The following TENM4 variants were observed in gnomAD, a reference collection of about 807,000 sequenced individuals.
TENM4 encodes the protein teneurin-4.
A neutral mutation model predicts 243.3 loss-of-function variants in TENM4; 82 were observed. That is an observed-to-expected ratio of 0.34 (90% CI 0.28 to 0.40). TENM4 has a LOEUF of 0.40. Ranked by LOEUF, TENM4 falls within the 10% of genes least tolerant of loss-of-function variation. The pLI, the probability that TENM4 is intolerant of heterozygous loss-of-function variation, is 1.00. For synonymous variants in TENM4, 1,412 were observed against 1,456.3 expected (o/e 0.97, Z 0.69); for missense variants, 3,138 against 3,673.3 (o/e 0.85, Z 3.77).
At chr11:78,913,631 G>A (rs866188614) in intron 6 of TENM4, among the ~76,000 whole-genome samples, 4 of 143,762 alleles carry the variant, frequency 2.8e-5, no homozygotes, top group Middle Eastern at 3.4e-3. Flanking sequence ...GTGTGTGTGA[G>A]TGTCGGGGGT....
At chr11:79,145,964 T>A (rs1278698211) in intron 4 of TENM4, among the ~76,000 whole-genome samples, 1 of 152,130 alleles carries the variant, frequency 6.6e-6, no homozygotes, top group Non-Finnish European at 1.5e-5. Context: ...TTAGGCTGTC[T>A]GTCTTTTCTT....
chr11:79,249,416 T>G (rs1855572414), intron 2 of TENM4, among the ~76,000 whole-genome samples: 1 of 152,194 alleles, frequency 6.6e-6, no homozygotes, highest in Admixed American at 6.5e-5. Context: ...TATGACAGCA[T>G]AACCCCTCAC....
At chr11:79,321,660 A>AAAAG (rs1555048286) in intron 1 of TENM4, among the ~76,000 whole-genome samples, 9 of 151,216 alleles carry the variant, frequency 6.0e-5, no homozygotes, top group African/African-American at 2.2e-4. Context: ...AAAAAAAAAA[A>AAAAG]AAAAGGGAGA....
intron 1 of TENM4, among the ~76,000 whole-genome samples, chr11:79,369,898 G>T (rs1430692234): frequency 2.0e-5 from 3 of 152,126 alleles, no homozygotes; most frequent in African/African-American, 7.2e-5. Context: ...TTAGAGCTAG[G>T]TTCAAACCCA....
chr11:79,111,866 C>T lies in TENM4; in HGVS notation c.-66+36844G>A, dbSNP rs117033141. ...GTCAAGAAGAGTCTCAGAGAGGAGA[C>T]GTGGGTGAATCCTGGCTTGAAAGAA... On this transcript the variant is annotated intron_variant, in intron 4 of 33. Transcript: ENST00000278550. 4.9e-4 allele frequency among the ~76,000 whole-genome samples: 74 copies of T among 152,144 alleles called. No individual in the cohort carries two copies. In the East Asian group the frequency reaches 7.2e-3, roughly 15 times the overall value.
rs143349507 is a variant in TENM4 at position 79,210,779 on chromosome 11, C to A, written c.-163+5029G>T. On this transcript the variant is annotated intron_variant, in intron 3 of 33. Transcript: ENST00000278550. Reference sequence around the variant, plus strand: ...TGGTTTCTTTCCTCCTCCTTTTTCTCATTTCCCCCTCTCTTCTAGATAACG... The same window carrying A: ...TGGTTTCTTTCCTCCTCCTTTTTCTAATTTCCCCCTCTCTTCTAGATAACG... 5.8e-3 allele frequency among the ~76,000 whole-genome samples: 880 copies of A among 152,284 alleles called. 5 individuals carry two copies. Among genetic ancestry groups the A allele is most frequent in the African/African-American group, 0.018 (758 of 41,548 alleles).
intron 1 of TENM4, among the ~76,000 whole-genome samples, chr11:79,393,283 A>G (rs995898470): frequency 1.3e-4 from 20 of 152,090 alleles, no homozygotes; most frequent in Admixed American, 5.9e-4. Context: ...AATTTGCCCA[A>G]AACTACATGA....
intron 1 of TENM4, among the ~76,000 whole-genome samples, chr11:79,304,312 C>T (rs1485732556): frequency 6.6e-6 from 1 of 152,194 alleles, no homozygotes; most frequent in African/African-American, 2.4e-5. Context: ...ACGTATGGCT[C>T]AGAGATCCTT....
chr11:79,425,633 G>A (rs760127212), intron 1 of TENM4, among the ~76,000 whole-genome samples: 1 of 152,188 alleles, frequency 6.6e-6, no homozygotes. Context: ...CAGTGTTGCT[G>A]TGCTCAGCAC....
At chr11:78,810,041 A>G (rs1324894531) in intron 14 of TENM4, among the ~76,000 whole-genome samples, 1 of 151,830 alleles carries the variant, frequency 6.6e-6, no homozygotes, top group African/African-American at 2.4e-5. Context: ...GGGGCAATAA[A>G]CTTCAGAAGA....
chr11:78,828,764 C>T (rs970392454), intron 12 of TENM4, among the ~76,000 whole-genome samples: 1 of 152,242 alleles, frequency 6.6e-6, no homozygotes, highest in Non-Finnish European at 1.5e-5. Context: ...GTGGCAAAAG[C>T]GGTAGCTACA....
intron 6 of TENM4, among the ~76,000 whole-genome samples, chr11:79,004,260 A>C (rs191108977): frequency 2.9e-4 from 44 of 152,316 alleles, no homozygotes; most frequent in African/African-American, 1.0e-3. Context: ...AAAGAGATTC[A>C]GGATCTGAAT....
intron 16 of TENM4, among the ~76,000 whole-genome samples, chr11:78,780,747 C>T (rs999224016): frequency 6.6e-6 from 1 of 152,160 alleles, no homozygotes; most frequent in Non-Finnish European, 1.5e-5. Flanking sequence ...ACCACATAAC[C>T]ATGAAGAGCA....
intron 4 of TENM4, among the ~76,000 whole-genome samples, chr11:79,128,241 CT>C (rs35158522): frequency 6.6e-6 from 1 of 152,190 alleles, no homozygotes; most frequent in Non-Finnish European, 1.5e-5. Flanking sequence ...AACTACTCTC[CT>C]TTTGAGAGAC....
intron 1 of TENM4, among the ~76,000 whole-genome samples, chr11:79,340,730 A>C (rs1217066141): frequency 6.6e-6 from 1 of 152,024 alleles, no homozygotes; most frequent in East Asian, 1.9e-4. Context: ...CTGCACATCC[A>C]TCTGGCAAAC....
At chr11:78,998,361 C>T (rs910642500) in intron 6 of TENM4, among the ~76,000 whole-genome samples, 6 of 152,084 alleles carry the variant, frequency 3.9e-5, no homozygotes, top group Non-Finnish European at 7.4e-5. Flanking sequence ...CTCACCTAGA[C>T]GTTGTTAGAA....
intron 3 of TENM4, among the ~76,000 whole-genome samples, chr11:79,197,538 T>C (rs1863656134): frequency 6.6e-6 from 1 of 152,004 alleles, no homozygotes; most frequent in Non-Finnish European, 1.5e-5. Context: ...TACCCAGAAT[T>C]CCAGTTTAAC....
At chr11:78,992,711 T>C (rs1565158224) in intron 6 of TENM4, among the ~76,000 whole-genome samples, 1 of 152,142 alleles carries the variant, frequency 6.6e-6, no homozygotes, top group African/African-American at 2.4e-5. Context: ...GAGTAGGAAG[T>C]AGAGAAGGTG....
intron 19 of TENM4, among the ~76,000 whole-genome samples, chr11:78,748,100 T>A (rs991039968): frequency 2.0e-5 from 3 of 152,186 alleles, no homozygotes; most frequent in African/African-American, 7.2e-5. Context: ...CAGGTTAAGA[T>A]TCTCATTTTT....
Sources: gnomAD v4.1 joint callset for allele counts (sites outside exome capture counted in the v4.1 genomes callset) on GRCh38, gnomAD v4.1.1 for gene constraint, MANE v1.5 for transcripts, NCBI Gene and HGNC (gene_info 2026-07-23, HGNC 2026-07-21) for gene names.